DNAH17: variants seen among roughly 807,000 people sequenced by gnomAD.
DNAH17 encodes axonemal beta dynein heavy chain 17.
In DNAH17, 376 loss-of-function variants were observed where a neutral mutation model predicts 485.6. That is an observed-to-expected ratio of 0.77 (90% CI 0.71 to 0.84). The LOEUF (loss-of-function observed/expected upper bound fraction) is 0.84, where lower values mean the gene tolerates loss of function less well. Ranked by LOEUF, DNAH17 falls within the 40% of genes least tolerant of loss-of-function variation. DNAH17 has a pLI of 0.00. For missense variants in DNAH17, 6,370 were observed against 5,839.3 expected, an observed-to-expected ratio of 1.09 and a Z score of -2.96; for synonymous variants, 3,031 against 2,405.9, an observed-to-expected ratio of 1.26 and a Z score of -7.60.
At position 78,475,887 on chromosome 17, in the gene DNAH17, C is replaced by T. The variant is rs1386083951; in HGVS notation, c.8155-54G>A. ...TCCGGTTTTTGCCACCATGACCACA[C>T]AGATAGTTAACAGCAATTCAGTACT... On this transcript the variant is annotated intron_variant, in intron 52 of 80. Transcript: ENST00000389840. The T allele has an allele frequency of 3.2e-6, 5 of 1,582,380 alleles. No homozygotes were observed. In the African/African-American group the frequency reaches 5.4e-5, roughly 17 times the overall value.
At chr17:78,429,581 G>T (rs2086603195) in intron 75 of DNAH17, among the ~76,000 whole-genome samples, 1 of 152,202 alleles carries the variant, frequency 6.6e-6, no homozygotes, top group African/African-American at 2.4e-5. Flanking sequence ...CGCTTCCACA[G>T]CCGGCATGCT....
At chr17:78,576,464 G>T (rs1052963227) in intron 1 of DNAH17, among the ~76,000 whole-genome samples, 2 of 152,276 alleles carry the variant, frequency 1.3e-5, no homozygotes, top group South Asian at 2.1e-4. Context: ...GAAAGAAAAA[G>T]GGGACACCAC....
intron 25 of DNAH17, among the ~76,000 whole-genome samples, chr17:78,518,728 CCAGA>C (rs1263119191): frequency 2.6e-5 from 4 of 152,246 alleles, no homozygotes; most frequent in South Asian, 2.1e-4. Flanking sequence ...GGACATTCCC[CCAGA>C]CAGACTATAT....
At chr17:78,553,380 C>A (rs1277488419) in intron 14 of DNAH17, among the ~76,000 whole-genome samples, 1 of 136,244 alleles carries the variant, frequency 7.3e-6, no homozygotes, top group African/African-American at 2.8e-5. Flanking sequence ...TGGCTCACTG[C>A]AATCTCTGCC....
intron 26 of DNAH17, among the ~76,000 whole-genome samples, chr17:78,513,875 G>C (rs1269108258): frequency 6.6e-6 from 1 of 152,186 alleles, no homozygotes; most frequent in Non-Finnish European, 1.5e-5. Flanking sequence ...CTTGAGAGCA[G>C]GGGCCATGTC....
At chr17:78,530,228 A>T in intron 21 of DNAH17, 115 bp downstream of exon 21, 2 of 1,288,790 alleles carry the variant, frequency 1.6e-6, no homozygotes, top group Non-Finnish European at 2.1e-6. Flanking sequence ...CCCAGCCTCC[A>T]CCCCCTGCTA....
chr17:78,465,946 G>A (rs1255517347), intron 56 of DNAH17, among the ~76,000 whole-genome samples: 3 of 152,230 alleles, frequency 2.0e-5, no homozygotes, highest in Non-Finnish European at 4.4e-5. Flanking sequence ...GCAGCTCATT[G>A]AGAGCGGGCC....
intron 52 of DNAH17, 44 bp from the exon 53 acceptor site, chr17:78,475,877 C>T: frequency 1.3e-6 from 2 of 1,594,740 alleles, no homozygotes; most frequent in Non-Finnish European, 8.5e-7. Flanking sequence ...TTTTTGCCAC[C>T]ATGACCACAC....
At chr17:78,551,693 G>A (rs2091905560) in intron 15 of DNAH17, 55 bp from the exon 16 acceptor site, 2 of 1,569,172 alleles carry the variant, frequency 1.3e-6, no homozygotes, top group Non-Finnish European at 1.8e-6. Flanking sequence ...GCTGGGCGCG[G>A]TGGCTCAAGC....
intron 37 of DNAH17, among the ~76,000 whole-genome samples, 200 bp from the exon 38 acceptor site, chr17:78,496,232 C>T (rs775669007): frequency 2.0e-5 from 3 of 152,030 alleles, no homozygotes; most frequent in Non-Finnish European, 4.4e-5. Context: ...ATACAGAGGG[C>T]CAGGCACAGT....
intron 7 of DNAH17, 85 bp from the exon 8 acceptor site, chr17:78,569,612 T>G: frequency 6.8e-7 from 1 of 1,481,330 alleles, no homozygotes; most frequent in East Asian, 2.4e-5. Flanking sequence ...GGACCTGTGA[T>G]CTGTTCTGAC....
chr17:78,429,075 A>G, intron 76 of DNAH17, 46 bp downstream of exon 76: 1 of 1,585,588 alleles, frequency 6.3e-7, no homozygotes, highest in Non-Finnish European at 8.6e-7. Context: ...ACCGGGAGGC[A>G]CGAGCCTTCA....
chr17:78,557,846 C>T (rs2092061040), intron 14 of DNAH17, among the ~76,000 whole-genome samples: 1 of 151,824 alleles, frequency 6.6e-6, no homozygotes, highest in African/African-American at 2.4e-5. Flanking sequence ...TGTTGGGTGA[C>T]AACAAATGCT....
At chr17:78,491,257 C>A (rs962337614) in intron 43 of DNAH17, among the ~76,000 whole-genome samples, 186 bp downstream of exon 43, 5 of 152,244 alleles carry the variant, frequency 3.3e-5, no homozygotes, top group Non-Finnish European at 7.3e-5. Context: ...CATGCAAAAC[C>A]ACAACGCATG....
intron 64 of DNAH17, among the ~76,000 whole-genome samples, chr17:78,453,920 C>T (rs1598475129): frequency 6.6e-6 from 1 of 152,024 alleles, no homozygotes; most frequent in African/African-American, 2.4e-5. Context: ...GTTGCACAGG[C>T]TGGGCTCAAA....
Position 78,515,040 on chromosome 17 carries a change from C to T in DNAH17, c.3865-18G>A, listed in dbSNP as rs181062221. On this transcript the variant is annotated intron_variant, in intron 25 of 80. Transcript: ENST00000389840. ...GTATTTACCTGAAACGAAAACATCC[C>T]GTTTCTCCTTCCACTCTCATCAAGG... The T allele has an allele frequency of 3.3e-5, 53 of 1,612,092 alleles. No individual in the cohort carries two copies. In the African/African-American group the frequency reaches 4.1e-4, roughly 13 times the overall value.
Position 78,439,709 on chromosome 17 carries a change from G to A in DNAH17, c.11678-492C>T, listed in dbSNP as rs141928592. Among the ~76,000 whole-genome samples, 988 of 124,612 alleles carry A rather than the reference G, an allele frequency of 7.9e-3. 5 individuals carry two copies. Among genetic ancestry groups the A allele is most frequent in the African/African-American group, 0.029 (929 of 32,548 alleles). The allele number at this position is 124,612 out of a possible 152,430, so 81.8% of individuals were successfully genotyped here. A position where few individuals can be genotyped will look rare whatever the true frequency, so the allele number is the denominator to read the frequency against. On this transcript the variant is annotated intron_variant, in intron 72 of 80. Coordinates refer to ENST00000389840, the MANE Select transcript of DNAH17 (RefSeq NM_173628.4). ...TTTTGAGATGGAGTCTCACTCTGTC[G>A]CCCAGGCTGGAGTGCAGTGGTGCCA...
At chr17:78,425,787 A>G (rs2086427300) in intron 79 of DNAH17, among the ~76,000 whole-genome samples, 2 of 100,562 alleles carry the variant, frequency 2.0e-5, no homozygotes, top group Admixed American at 1.0e-4. Flanking sequence ...TTTTTTTGAG[A>G]TGAAGTATCG....
At chr17:78,484,536 G>A (rs961202920) in intron 48 of DNAH17, among the ~76,000 whole-genome samples, 4 of 150,502 alleles carry the variant, frequency 2.7e-5, no homozygotes, top group Admixed American at 1.3e-4. Flanking sequence ...TTCCTCTCCC[G>A]GCGGGACAGA....
Sources: allele counts gnomAD v4.1 joint callset (sites outside exome capture counted in the v4.1 genomes callset), GRCh38; gene constraint gnomAD v4.1.1; transcripts MANE v1.5; gene names NCBI Gene and HGNC (gene_info 2026-07-23, HGNC 2026-07-21).